MEGF11: variants seen among roughly 807,000 people sequenced by gnomAD.
The protein encoded by MEGF11 is multiple EGF like domains 11, also known as multiple epidermal growth factor-like domains protein 11.
A neutral mutation model predicts 146.6 loss-of-function variants in MEGF11; 126 were observed. The ratio of observed to expected loss-of-function variants is 0.86; its 90% CI spans 0.74 to 1.00. The LOEUF (loss-of-function observed/expected upper bound fraction) is 1.00. Among genes scored for constraint, MEGF11 ranks in the 50% least tolerant of loss-of-function variants. The pLI, the probability that MEGF11 is intolerant of heterozygous loss-of-function variation, is 0.00. For missense variants in MEGF11, 1,509 were observed against 1,521.2 expected (o/e 0.99, Z 0.13); for synonymous variants, 532 against 583.4 (o/e 0.91, Z 1.27).
intron 5 of MEGF11, among the ~76,000 whole-genome samples, chr15:66,059,838 TA>T (rs1446509648): frequency 6.6e-6 from 1 of 152,176 alleles, no homozygotes; most frequent in Non-Finnish European, 1.5e-5. Flanking sequence ...CATGCTGATT[TA>T]TTTACCTAAT....
intron 1 of MEGF11, among the ~76,000 whole-genome samples, chr15:66,167,162 A>C (rs2090118897): frequency 6.6e-6 from 1 of 152,172 alleles, no homozygotes; most frequent in African/African-American, 2.4e-5. Context: ...AAACAGCCCC[A>C]GGGTGATGGA....
intron 5 of MEGF11, among the ~76,000 whole-genome samples, chr15:66,006,592 G>A (rs1369759926): frequency 2.0e-5 from 3 of 152,170 alleles, no homozygotes; most frequent in African/African-American, 2.4e-5. Flanking sequence ...CTGTTGTGTT[G>A]AGCTCCCTGC....
intron 9 of MEGF11, among the ~76,000 whole-genome samples, chr15:65,961,534 G>T (rs552197702): frequency 6.6e-6 from 1 of 152,018 alleles, no homozygotes; most frequent in East Asian, 1.9e-4. Flanking sequence ...CTGACACACA[G>T]GTGCTTTCTC....
chr15:65,922,086 A>G, intron 15 of MEGF11: 1 of 540,420 alleles, frequency 1.9e-6, no homozygotes, highest in Non-Finnish European at 3.3e-6. Context: ...CGGAATCAGA[A>G]TTTGTTTCTG....
Position 65,912,155 on chromosome 15 carries a change from C to G in MEGF11, c.2756G>C (p.Ser919Thr). Residue 919 changes from serine to threonine, a missense_variant, in exon 21 of 26, where the codon AGC becomes ACC. Coordinates refer to ENST00000395614, the MANE Select transcript of MEGF11 (RefSeq NM_001385028.1). Reference protein sequence around the residue: ...SSHAHCFSNSSYHALACGGPA... With the variant: ...SSHAHCFSNSTYHALACGGPA... ...CCCCCCACATGCCAGTGCGTGGTAG[C>G]TGGAATTGGAAAAGCAGTGGGCATG... is the stretch of plus-strand genomic sequence containing the variant. The G allele has an allele frequency of 8.1e-7, 1 of 1,232,188 alleles. No individual in the cohort carries two copies. The highest frequency in any genetic ancestry group is 1.0e-6 in the Non-Finnish European group (1 of 988,064). 76.3% of individuals were successfully genotyped at this position (1,232,188 alleles called of 1,614,324 possible). A position where few individuals can be genotyped will look rare whatever the true frequency, so the allele number is the denominator to read the frequency against.
intron 10 of MEGF11, among the ~76,000 whole-genome samples, chr15:65,949,712 C>T (rs546362630): frequency 9.2e-5 from 14 of 152,190 alleles, no homozygotes; most frequent in Non-Finnish European, 2.1e-4. Flanking sequence ...AGGAGGCAGC[C>T]GGAAGGGGGT....
chr15:65,945,445 AG>A (rs1248418802), intron 10 of MEGF11, among the ~76,000 whole-genome samples: 1 of 147,596 alleles, frequency 6.8e-6, no homozygotes, highest in Non-Finnish European at 1.5e-5. Flanking sequence ...ATGGGGTGGG[AG>A]GGGGCACCCT....
chr15:65,900,122 G>C (rs975187830), intron 24 of MEGF11, among the ~76,000 whole-genome samples: 1 of 152,218 alleles, frequency 6.6e-6, no homozygotes, highest in Admixed American at 6.5e-5. Context: ...GTGAAGCTCT[G>C]CTAGACAAGG....
At position 65,928,482 on chromosome 15, in the gene MEGF11, G is replaced by C; in HGVS notation, c.1618C>G (p.His540Asp). 1 of 1,606,586 alleles carries C rather than the reference G, an allele frequency of 6.2e-7. No individual in the cohort carries two copies. Among genetic ancestry groups the C allele is most frequent in the Non-Finnish European group, 8.5e-7 (1 of 1,175,590 alleles). Residue 540 changes from histidine to aspartate, a missense_variant, in exon 13 of 26, where the codon CAT becomes GAT. His to Asp is a moderately conservative substitution (Grantham distance 81). Transcript: ENST00000395614. The stretch of plus-strand genomic sequence containing the variant: ...GTGACGGGGTCACATCCATCAGCAT[G>C]GCTGCAGTCACAGTGTTCACTGCAG... ...LNCSEHCDCS[H>D]ADGCDPVTGH...
At chr15:66,041,002 T>C (rs1218880179) in intron 5 of MEGF11, among the ~76,000 whole-genome samples, 2 of 151,970 alleles carry the variant, frequency 1.3e-5, no homozygotes, top group African/African-American at 2.4e-5. Flanking sequence ...TGGTCCTGGC[T>C]ATATCTCTCT....
chr15:66,031,190 C>A (rs767146307), intron 5 of MEGF11, among the ~76,000 whole-genome samples: 2 of 152,220 alleles, frequency 1.3e-5, no homozygotes, highest in Non-Finnish European at 2.9e-5. Context: ...AAGGTCCCTT[C>A]ACTTTTTCCA....
intron 1 of MEGF11, among the ~76,000 whole-genome samples, chr15:66,192,736 T>C (rs2090915164): frequency 1.3e-5 from 2 of 152,090 alleles, no homozygotes; most frequent in East Asian, 3.9e-4. Context: ...AGAGCAACAT[T>C]ATTGGAGATG....
At chr15:66,128,038 TC>T (rs1847089091) in intron 2 of MEGF11, among the ~76,000 whole-genome samples, 1 of 152,224 alleles carries the variant, frequency 6.6e-6, no homozygotes, top group African/African-American at 2.4e-5. Flanking sequence ...CTCTACTTTC[TC>T]ATCTGTGCAA....
At chr15:66,038,853 G>C (rs1279547666) in intron 5 of MEGF11, among the ~76,000 whole-genome samples, 2 of 152,174 alleles carry the variant, frequency 1.3e-5, no homozygotes, top group Non-Finnish European at 2.9e-5. Context: ...GCAGCACCTG[G>C]ATCCAAAGCA....
intron 1 of MEGF11, among the ~76,000 whole-genome samples, chr15:66,128,637 C>T (rs567485066): frequency 2.0e-5 from 3 of 152,142 alleles, no homozygotes; most frequent in Non-Finnish European, 4.4e-5. Flanking sequence ...GACTCAGGGA[C>T]TGCTCTGAGA....
At chr15:66,076,657 C>T (rs1181907160) in intron 5 of MEGF11, among the ~76,000 whole-genome samples, 1 of 152,100 alleles carries the variant, frequency 6.6e-6, no homozygotes, top group Non-Finnish European at 1.5e-5. Flanking sequence ...TCAGAGATGT[C>T]AGGAGACAGT....
At chr15:65,977,101 G>A (rs563139122) in intron 7 of MEGF11, among the ~76,000 whole-genome samples, 4 of 143,950 alleles carry the variant, frequency 2.8e-5, no homozygotes, top group African/African-American at 1.0e-4. Flanking sequence ...CCTGGGAGGC[G>A]GAGCTTGCAG....
intron 4 of MEGF11, among the ~76,000 whole-genome samples, chr15:66,114,622 G>A (rs2087625063): frequency 6.6e-6 from 1 of 152,154 alleles, no homozygotes; most frequent in Non-Finnish European, 1.5e-5. Flanking sequence ...CCTCTGTCCT[G>A]AAAGAAGGAA....
intron 15 of MEGF11, chr15:65,921,637 A>G (rs1437662244): frequency 6.6e-6 from 1 of 152,316 alleles, no homozygotes. Flanking sequence ...TGGTTGTTCA[A>G]TATTTGGGAA....
Sources: gnomAD v4.1 joint callset for allele counts (sites outside exome capture counted in the v4.1 genomes callset) on GRCh38, gnomAD v4.1.1 for gene constraint, MANE v1.5 for transcripts, NCBI Gene and HGNC (gene_info 2026-07-23, HGNC 2026-07-21) for gene names.